The following PCCA variants were observed in gnomAD, a reference collection of about 807,000 sequenced individuals.
PCCA encodes the protein propionyl-CoA carboxylase alpha chain, mitochondrial.
A neutral mutation model predicts 101.3 loss-of-function variants in PCCA; 74 were observed. The observed-to-expected ratio is 0.73, with a 90% CI of 0.61 to 0.89. The LOEUF is 0.89. Ranked by LOEUF, PCCA falls within the 40% of genes least tolerant of loss-of-function variation. PCCA has a pLI of 0.00. For missense variants in PCCA, 891 were observed against 907.0 expected, an observed-to-expected ratio of 0.98 and a Z score of 0.23; for synonymous variants, 294 against 313.6, an observed-to-expected ratio of 0.94 and a Z score of 0.66.
At chr13:100,245,304 G>A (rs550452209) in intron 8 of PCCA, among the ~76,000 whole-genome samples, 30 of 152,186 alleles carry the variant, frequency 2.0e-4, no homozygotes, top group African/African-American at 7.2e-4. Context: ...GTCACATGGT[G>A]CATGGCAGCC....
At chr13:100,228,412 C>G (rs531306706) in intron 7 of PCCA, among the ~76,000 whole-genome samples, 4 of 152,008 alleles carry the variant, frequency 2.6e-5, no homozygotes, top group Non-Finnish European at 5.9e-5. Context: ...ATTATGTTAA[C>G]AGAGTTTATT....
chr13:100,267,987 T>A (rs1017661177), intron 10 of PCCA, among the ~76,000 whole-genome samples: 2 of 152,172 alleles, frequency 1.3e-5, no homozygotes, highest in African/African-American at 4.8e-5. Context: ...AGATTTCAGA[T>A]TTTTTTGGGT....
At chr13:100,143,100 C>A (rs1033729003) in intron 4 of PCCA, among the ~76,000 whole-genome samples, 8 of 152,140 alleles carry the variant, frequency 5.3e-5, no homozygotes, top group African/African-American at 1.9e-4. Flanking sequence ...CTGTGTTTAT[C>A]TGAGTGTGGT....
At chr13:100,284,728 G>A (rs1566863873) in intron 12 of PCCA, among the ~76,000 whole-genome samples, 1 of 152,198 alleles carries the variant, frequency 6.6e-6, no homozygotes, top group Non-Finnish European at 1.5e-5. Flanking sequence ...CCTCAAGGAT[G>A]TCTTCTTCTA....
At chr13:100,091,212 G>A (rs1305597196) in intron 1 of PCCA, among the ~76,000 whole-genome samples, 2 of 152,192 alleles carry the variant, frequency 1.3e-5, no homozygotes, top group East Asian at 3.8e-4. Context: ...TGTTGGAGGT[G>A]GGAGGGATGA....
rs1455848937 is a variant in PCCA, at chr13:100,342,698, T to A, written c.1643+2439T>A. Among the ~76,000 whole-genome samples the A allele has an allele frequency of 5.1e-5, 7 of 138,426 alleles. 1 individual carries two copies. The highest frequency in any genetic ancestry group is 3.1e-5 in the Non-Finnish European group (2 of 64,156). 90.8% of individuals were successfully genotyped at this position (138,426 alleles called of 152,430 possible). On this transcript the variant is annotated intron_variant, in intron 18 of 23. Transcript: ENST00000376285. ...TACCTGCGGTGTGATTTCTTCAGATTGCTTTTTTGGTAAACTTTTTTTTTT... is the reference window on the plus strand; with the variant it reads ...TACCTGCGGTGTGATTTCTTCAGATAGCTTTTTTGGTAAACTTTTTTTTTT...
intron 7 of PCCA, among the ~76,000 whole-genome samples, chr13:100,229,431 T>A (rs1306557657): frequency 6.6e-6 from 1 of 152,260 alleles, no homozygotes; most frequent in Non-Finnish European, 1.5e-5. Flanking sequence ...ATCTGCTAGC[T>A]GTAATAAAGA....
intron 18 of PCCA, among the ~76,000 whole-genome samples, chr13:100,360,186 C>A (rs1377085253): frequency 6.8e-6 from 1 of 146,428 alleles, no homozygotes; most frequent in South Asian, 2.3e-4. Context: ...TTTTTTTTTT[C>A]TTTAACCATC....
At chr13:100,151,925 C>G (rs1013835102) in intron 4 of PCCA, among the ~76,000 whole-genome samples, 2 of 152,044 alleles carry the variant, frequency 1.3e-5, no homozygotes, top group East Asian at 1.9e-4. Flanking sequence ...TCAGCCTATG[C>G]AATATTAAGT....
chr13:100,419,712 G>A (rs893427174), intron 19 of PCCA, among the ~76,000 whole-genome samples: 12 of 152,182 alleles, frequency 7.9e-5, no homozygotes, highest in Admixed American at 3.9e-4. Context: ...GGAGAACAGC[G>A]AAGTTAAAAG....
At chr13:100,409,065 T>C (rs986924709) in intron 19 of PCCA, among the ~76,000 whole-genome samples, 1 of 152,118 alleles carries the variant, frequency 6.6e-6, no homozygotes, top group African/African-American at 2.4e-5. Context: ...CGGGTGCCCT[T>C]GGACCATGTG....
chr13:100,492,768 A>G (rs898550240), intron 21 of PCCA, among the ~76,000 whole-genome samples: 9 of 150,722 alleles, frequency 6.0e-5, no homozygotes, highest in African/African-American at 2.2e-4. Context: ...TGCAGCAGAG[A>G]AGGAGAAAAG....
chr13:100,498,294 G>A (rs2085424870), intron 21 of PCCA, among the ~76,000 whole-genome samples: 1 of 148,460 alleles, frequency 6.7e-6, no homozygotes, highest in African/African-American at 2.5e-5. Context: ...AATATTGAAT[G>A]TCTTCTCTAT....
At chr13:100,213,222 A>G (rs1462490604) in intron 7 of PCCA, among the ~76,000 whole-genome samples, 3 of 151,194 alleles carry the variant, frequency 2.0e-5, no homozygotes, top group Non-Finnish European at 4.4e-5. Flanking sequence ...TCTCTTTGAT[A>G]GACTGCTTTC....
intron 21 of PCCA, among the ~76,000 whole-genome samples, chr13:100,503,732 T>C (rs1008089059): frequency 1.3e-5 from 2 of 152,042 alleles, no homozygotes; most frequent in African/African-American, 2.4e-5. Context: ...GGCAAAACTC[T>C]GTCTTTACAA....
intron 15 of PCCA, among the ~76,000 whole-genome samples, chr13:100,308,944 T>C (rs902661354): frequency 6.6e-6 from 1 of 152,174 alleles, no homozygotes; most frequent in Non-Finnish European, 1.5e-5. Context: ...AGGCACTAAA[T>C]CATGTAGAAT....
chr13:100,441,349 A>T (rs1366536439), intron 20 of PCCA, among the ~76,000 whole-genome samples: 1 of 152,214 alleles, frequency 6.6e-6, no homozygotes, highest in Non-Finnish European at 1.5e-5. Flanking sequence ...AGTGAGGGGA[A>T]AAAGAAAACT....
chr13:100,358,772 C>T (rs905474788), intron 18 of PCCA, among the ~76,000 whole-genome samples: 7 of 152,028 alleles, frequency 4.6e-5, no homozygotes, highest in African/African-American at 9.7e-5. Context: ...ATGTAATGAC[C>T]GTATGCATAT....
In PCCA at chr13:100,451,571, C is replaced by T. The variant is rs55923562; in HGVS notation, c.1899+2266C>T. On this transcript the variant is annotated intron_variant, in intron 21 of 23. Transcript: ENST00000376285. ...TTAGCATCTCTACTGGGTTTCTAATCGGTTTCTCAACTTCATGTATCGGAA... is the reference window on the plus strand; with the variant it reads ...TTAGCATCTCTACTGGGTTTCTAATTGGTTTCTCAACTTCATGTATCGGAA... Among the ~76,000 whole-genome samples, 1,414 of 152,190 alleles carry T rather than the reference C, an allele frequency of 9.3e-3. 14 individuals carry two copies. Among genetic ancestry groups the T allele is most frequent in the Non-Finnish European group, 0.013 (903 of 67,998 alleles).
Sources: gnomAD v4.1 joint callset for allele counts (sites outside exome capture counted in the v4.1 genomes callset) on GRCh38, gnomAD v4.1.1 for gene constraint, MANE v1.5 for transcripts, NCBI Gene and HGNC (gene_info 2026-07-23, HGNC 2026-07-21) for gene names.